Variants in ANKRD30A observed in about 807,000 individuals in gnomAD.
ANKRD30A encodes ankyrin repeat domain-containing protein 30A.
Under a neutral mutation model 166.3 loss-of-function variants are expected in ANKRD30A, and 170 were observed. The ratio of observed to expected loss-of-function variants is 1.02; its 90% CI spans 0.90 to 1.16. ANKRD30A has a LOEUF of 1.16. Among genes scored for constraint, ANKRD30A ranks in the 50% most tolerant of loss-of-function variants. The pLI, the probability that ANKRD30A is intolerant of heterozygous loss-of-function variation, is 0.00. For missense variants in ANKRD30A, 1,630 were observed against 1,518.0 expected (o/e 1.07, Z -1.23); for synonymous variants, 564 against 508.9 (o/e 1.11, Z -1.46).
At chr10:37,141,663 T>C in intron 6 of ANKRD30A, 55 bp from the exon 7 acceptor site, 2 of 1,590,698 alleles carry the variant, frequency 1.3e-6, no homozygotes, top group South Asian at 2.3e-5. Flanking sequence ...AGGTGAAGAG[T>C]CAGGAGGATG....
chr10:37,241,191 A>G, the ANKRD30A span: 3 of 151,850 alleles, frequency 2.0e-5, no homozygotes, highest in African/African-American at 4.8e-5. Context: ...ACTAGAATCT[A>G]TATTTTCTGA....
At chr10:37,223,588 C>A (rs2132753529) in intron 34 of ANKRD30A, among the ~76,000 whole-genome samples, 1 of 151,228 alleles carries the variant, frequency 6.6e-6, no homozygotes, top group Non-Finnish European at 1.5e-5. Context: ...AACTTTTTTA[C>A]CAAATAAATT....
At chr10:37,260,067 A>C in the ANKRD30A span, among the ~76,000 whole-genome samples, 1 of 151,840 alleles carries the variant, frequency 6.6e-6, no homozygotes, top group Non-Finnish European at 1.5e-5. Context: ...TAGGTTATGG[A>C]TACCCGGGGG....
chr10:37,256,374 A>C, the ANKRD30A span, among the ~76,000 whole-genome samples: 1 of 152,326 alleles, frequency 6.6e-6, no homozygotes, highest in South Asian at 2.1e-4. Flanking sequence ...CTCCTGCCTC[A>C]GCCTCTCAAG....
At chr10:37,253,649 CTTT>C in the ANKRD30A span, among the ~76,000 whole-genome samples, 463 of 130,004 alleles carry the variant, frequency 3.6e-3, 2 homozygotes, top group African/African-American at 0.012. Context: ...TTTTCTTTTT[CTTT>C]TTTTTTTTTT....
chr10:37,227,878 G>A (rs965364792), intron 34 of ANKRD30A, among the ~76,000 whole-genome samples: 2 of 151,954 alleles, frequency 1.3e-5, no homozygotes, highest in African/African-American at 4.8e-5. Flanking sequence ...GAAGAGAAGA[G>A]TCAGTCCAGA....
intron 25 of ANKRD30A, among the ~76,000 whole-genome samples, chr10:37,191,508 GC>G (rs1228440502): frequency 6.6e-6 from 1 of 151,846 alleles, no homozygotes; most frequent in Non-Finnish European, 1.5e-5. Flanking sequence ...TCTACGTTCA[GC>G]TTTTGCATTT....
At chr10:37,263,643 G>C in the ANKRD30A span, among the ~76,000 whole-genome samples, 1 of 152,102 alleles carries the variant, frequency 6.6e-6, no homozygotes, top group East Asian at 1.9e-4. Context: ...GATCTGACAG[G>C]AGGCAGAGCT....
chr10:37,243,137 T>G, the ANKRD30A span, among the ~76,000 whole-genome samples: 848 of 149,530 alleles, frequency 5.7e-3, 8 homozygotes, highest in African/African-American at 0.019. Context: ...TTTCCAAATT[T>G]TTTTTTTTTT....
At chr10:37,193,382 T>G (rs1410787237) in intron 27 of ANKRD30A, 124 bp downstream of exon 27, 7 of 1,243,160 alleles carry the variant, frequency 5.6e-6, no homozygotes, top group Non-Finnish European at 5.5e-6. Flanking sequence ...TCGATACAAA[T>G]AATGCCAATG....
the ANKRD30A span, among the ~76,000 whole-genome samples, chr10:37,253,262 A>G: frequency 2.0e-5 from 3 of 152,156 alleles, no homozygotes; most frequent in Non-Finnish European, 4.4e-5. Flanking sequence ...TGTGCTGTCC[A>G]ATACAATAGC....
At chr10:37,244,573 C>T in the ANKRD30A span, among the ~76,000 whole-genome samples, 8 of 152,216 alleles carry the variant, frequency 5.3e-5, no homozygotes, top group African/African-American at 1.9e-4. Flanking sequence ...TGTCCCTGCC[C>T]TTAGGCGAGT....
At chr10:37,200,706 T>A (rs1485925038) in intron 30 of ANKRD30A, among the ~76,000 whole-genome samples, 3 of 152,152 alleles carry the variant, frequency 2.0e-5, no homozygotes, top group Non-Finnish European at 4.4e-5. Context: ...TTGCTGATTT[T>A]AAGCCCTTGT....
rs1837986934 is a variant in ANKRD30A at position 37,152,097 on chromosome 10, T to C, written c.1683T>C (p.Tyr561=). ...CACCAGAATCCAAACAAAAGGACTA[T>C]GAAGAAAATTCTTGGGATTCTGAGG... ...MFPPESKQKD[Y]EENSWDSESL... Residue 561 remains tyrosine (Y), a synonymous_variant, in exon 12 of 36, where the codon TAT becomes TAC. Transcript: ENST00000361713. 3.7e-6 allele frequency: 6 copies of C among 1,609,590 alleles called. No homozygotes were observed. The highest frequency in any genetic ancestry group is 5.1e-6 in the Non-Finnish European group (6 of 1,177,252).
At chr10:37,200,945 G>A (rs1005760881) in intron 30 of ANKRD30A, among the ~76,000 whole-genome samples, 5 of 152,012 alleles carry the variant, frequency 3.3e-5, no homozygotes, top group Non-Finnish European at 7.4e-5. Flanking sequence ...ATATTTTTAA[G>A]AGAGATACGT....
chr10:37,236,642 T>C (rs1272575034), downstream of ANKRD30A, among the ~76,000 whole-genome samples: 1 of 152,206 alleles, frequency 6.6e-6, no homozygotes, highest in East Asian at 1.9e-4. Flanking sequence ...ACCAATTATT[T>C]GTGCATGGGT....
At chr10:37,167,678 T>C (rs1306210989) in intron 19 of ANKRD30A, among the ~76,000 whole-genome samples, 2 of 151,900 alleles carry the variant, frequency 1.3e-5, no homozygotes, top group East Asian at 1.9e-4. Flanking sequence ...TTAAGAGATA[T>C]TGAGATGACT....
At chr10:37,263,672 G>C in the ANKRD30A span, among the ~76,000 whole-genome samples, 1 of 152,148 alleles carries the variant, frequency 6.6e-6, no homozygotes. Context: ...GAATGCCAGT[G>C]ATAGGGAATG....
At chr10:37,167,842 G>C (rs1383982639) in intron 19 of ANKRD30A, among the ~76,000 whole-genome samples, 1 of 144,264 alleles carries the variant, frequency 6.9e-6, no homozygotes, top group Non-Finnish European at 1.5e-5. Context: ...ACATTCAGCT[G>C]AACTCTTATC....
Sources: allele counts gnomAD v4.1 joint callset (sites outside exome capture counted in the v4.1 genomes callset), GRCh38; gene constraint gnomAD v4.1.1; transcripts MANE v1.5; gene names NCBI Gene and HGNC (gene_info 2026-07-23, HGNC 2026-07-21).